Variants in ADAMTSL1 observed in about 807,000 individuals in gnomAD.
The protein encoded by ADAMTSL1 is ADAMTS like 1.
In ADAMTSL1, 126 loss-of-function variants were observed where a neutral mutation model predicts 201.8. That is an observed-to-expected ratio of 0.62 (90% CI 0.54 to 0.72). The LOEUF is 0.72. ADAMTSL1 is among the 30% of genes least tolerant of loss of function. ADAMTSL1 has a pLI of 0.00. For synonymous variants in ADAMTSL1, 1,121 were observed against 903.4 expected (o/e 1.24, Z -4.32); for missense variants, 2,679 against 2,277.8 (o/e 1.18, Z -3.59).
At chr9:17,930,204 C>T (rs1271295253) in intron 1 of ADAMTSL1, among the ~76,000 whole-genome samples, 3 of 152,116 alleles carry the variant, frequency 2.0e-5, no homozygotes, top group Non-Finnish European at 4.4e-5. Flanking sequence ...GCTCTTCAAG[C>T]ACCTGGTTTG....
intron 2 of ADAMTSL1, among the ~76,000 whole-genome samples, chr9:18,324,026 T>A (rs1834728154): frequency 6.6e-6 from 1 of 152,126 alleles, no homozygotes; most frequent in Non-Finnish European, 1.5e-5. Context: ...CCTAAAAACT[T>A]TTGAAATGAA....
intron 2 of ADAMTSL1, among the ~76,000 whole-genome samples, chr9:18,512,497 C>T (rs1323915625): frequency 6.6e-6 from 1 of 151,902 alleles, no homozygotes; most frequent in African/African-American, 2.4e-5. Context: ...TTGTATATCT[C>T]CTCAATTTTA....
intron 2 of ADAMTSL1, among the ~76,000 whole-genome samples, chr9:18,238,007 G>A (rs1161504380): frequency 6.6e-6 from 1 of 152,208 alleles, no homozygotes; most frequent in Non-Finnish European, 1.5e-5. Flanking sequence ...AGAGGCTGGA[G>A]GGAGGGGCTT....
At chr9:18,174,054 T>C (rs528869473) in intron 2 of ADAMTSL1, among the ~76,000 whole-genome samples, 1 of 152,314 alleles carries the variant, frequency 6.6e-6, no homozygotes, top group South Asian at 2.1e-4. Context: ...AGATGGATAT[T>C]TGCTGCTTAA....
At chr9:18,453,521 C>T (rs938015708) in intron 2 of ADAMTSL1, among the ~76,000 whole-genome samples, 4 of 152,070 alleles carry the variant, frequency 2.6e-5, no homozygotes, top group Non-Finnish European at 5.9e-5. Context: ...TGAAATTTTT[C>T]AAAATCTTTT....
At chr9:17,929,426 T>C (rs935585019) in intron 1 of ADAMTSL1, among the ~76,000 whole-genome samples, 2 of 152,092 alleles carry the variant, frequency 1.3e-5, no homozygotes, top group Non-Finnish European at 2.9e-5. Flanking sequence ...TTGCCCCCAT[T>C]GAGAATGCAT....
chr9:18,446,611 A>G (rs181484487), intron 2 of ADAMTSL1, among the ~76,000 whole-genome samples: 198 of 152,376 alleles, frequency 1.3e-3, no homozygotes, highest in African/African-American at 4.6e-3. Context: ...TTCCAAATCA[A>G]TCTTTTAAAG....
intron 4 of ADAMTSL1, among the ~76,000 whole-genome samples, chr9:18,610,956 C>T (rs1016981962): frequency 6.6e-6 from 1 of 152,096 alleles, no homozygotes; most frequent in South Asian, 2.1e-4. Flanking sequence ...GAAAAATTTT[C>T]GGAGGTACAC....
chr9:18,311,300 C>G (rs1834145412), intron 2 of ADAMTSL1, among the ~76,000 whole-genome samples: 1 of 151,808 alleles, frequency 6.6e-6, no homozygotes, highest in Admixed American at 6.6e-5. Flanking sequence ...GTGTGTATAC[C>G]TATGTAACGT....
At chr9:18,058,405 G>A (rs935112608) in intron 1 of ADAMTSL1, among the ~76,000 whole-genome samples, 4 of 152,118 alleles carry the variant, frequency 2.6e-5, no homozygotes, top group African/African-American at 4.8e-5. Context: ...TGCCATGTTC[G>A]CTTTAGTCTT....
chr9:18,707,436 C>T (rs1012520689), intron 14 of ADAMTSL1, among the ~76,000 whole-genome samples: 24 of 152,186 alleles, frequency 1.6e-4, no homozygotes, highest in African/African-American at 5.3e-4. Context: ...AAGAACAAGT[C>T]GGAGTCCCTC....
At position 18,501,503 on chromosome 9, in the gene ADAMTSL1, CAA is replaced by C. The variant is rs397894789; in HGVS notation, c.64-3306_64-3305del. ...TGGGCAACAAAGTAAGACACGGTCT[CAA>C]AAAAAAAAAAAAAAAAAAAGTAAAA... On this transcript the variant is annotated intron_variant, in intron 1 of 28. Coordinates refer to ENST00000380548, the MANE Select transcript of ADAMTSL1 (RefSeq NM_001040272.6). Among the ~76,000 whole-genome samples, 257 of 93,064 alleles carry C rather than the reference CAA, an allele frequency of 2.8e-3. 2 individuals carry two copies. Among genetic ancestry groups the C allele is most frequent in the Non-Finnish European group, 3.2e-3 (152 of 48,014 alleles). The allele number at this position is 93,064 out of a possible 152,430, so 61.1% of individuals were successfully genotyped here. A position where few individuals can be genotyped will look rare whatever the true frequency, so the allele number is the denominator to read the frequency against.
intron 2 of ADAMTSL1, among the ~76,000 whole-genome samples, chr9:18,177,277 T>C (rs1211262703): frequency 6.6e-6 from 1 of 152,206 alleles, no homozygotes; most frequent in Non-Finnish European, 1.5e-5. Flanking sequence ...TTGAAAACTA[T>C]GGTGTTGTGT....
chr9:18,753,331 C>T lies in ADAMTSL1; in HGVS notation c.2040C>T (p.Leu680=). ...TTGGCAAGTGGAGTCCATGTAGTCT[C>T]ACATGTGGGGTCGGCCTACAGACCA... ...WEIGKWSPCS[L]TCGVGLQTRD... The change falls in exon 16 of 29, where the codon CTC becomes CTT. Residue 680 remains leucine (L), a synonymous_variant. Coordinates refer to ENST00000380548, the MANE Select transcript of ADAMTSL1 (RefSeq NM_001040272.6). 2 of 1,612,358 alleles carry T rather than the reference C, an allele frequency of 1.2e-6. No individual in the cohort carries two copies. Among genetic ancestry groups the T allele is most frequent in the Non-Finnish European group, 1.7e-6 (2 of 1,179,312 alleles).
chr9:18,435,768 G>T (rs966294157), intron 2 of ADAMTSL1, among the ~76,000 whole-genome samples: 1 of 152,172 alleles, frequency 6.6e-6, no homozygotes, highest in Non-Finnish European at 1.5e-5. Flanking sequence ...TACGTGGATG[G>T]TGGCAGGCAA....
chr9:18,474,135 G>A, upstream of ADAMTSL1: 1 of 1,080,164 alleles, frequency 9.3e-7, no homozygotes, highest in Non-Finnish European at 1.4e-6. Flanking sequence ...TGATAGGCAG[G>A]ACTGGAGTGT....
At chr9:18,733,058 A>G (rs1237443613) in intron 15 of ADAMTSL1, among the ~76,000 whole-genome samples, 1 of 152,210 alleles carries the variant, frequency 6.6e-6, no homozygotes, top group Non-Finnish European at 1.5e-5. Context: ...ATTCCAAAGC[A>G]GTTACTGAGA....
chr9:18,346,371 T>C (rs773286697), intron 2 of ADAMTSL1, among the ~76,000 whole-genome samples: 1 of 152,140 alleles, frequency 6.6e-6, no homozygotes, highest in Non-Finnish European at 1.5e-5. Flanking sequence ...CACTGTATGG[T>C]AGCAAAAGAG....
chr9:18,835,153 T>C (rs1187472845), intron 23 of ADAMTSL1, among the ~76,000 whole-genome samples: 2 of 152,190 alleles, frequency 1.3e-5, no homozygotes, highest in Non-Finnish European at 2.9e-5. Context: ...TTTTGCATTT[T>C]GGACATTTTA....
Sources: gnomAD v4.1 joint callset for allele counts (sites outside exome capture counted in the v4.1 genomes callset) on GRCh38, gnomAD v4.1.1 for gene constraint, MANE v1.5 for transcripts, NCBI Gene and HGNC (gene_info 2026-07-23, HGNC 2026-07-21) for gene names.